Variants in ZNF200 observed in about 807,000 individuals in gnomAD.
The protein encoded by ZNF200 is zinc finger protein 200.
Under a neutral mutation model 33.6 loss-of-function variants are expected in ZNF200, and 35 were observed. The observed-to-expected ratio is 1.04, with a 90% CI of 0.80 to 1.38. The LOEUF (loss-of-function observed/expected upper bound fraction) is 1.38. Ranked by LOEUF, ZNF200 falls within the 40% of genes most tolerant of loss-of-function variation. ZNF200 has a pLI of 0.00. For synonymous variants in ZNF200, 209 were observed against 167.7 expected, an observed-to-expected ratio of 1.25 and a Z score of -1.90; for missense variants, 592 against 470.6, an observed-to-expected ratio of 1.26 and a Z score of -2.39.
chr16:3,232,597 A>G (rs753769912), intron 3 of ZNF200, 50 bp from the exon 4 acceptor site: 1 of 1,602,572 alleles, frequency 6.2e-7, no homozygotes, highest in South Asian at 1.1e-5. Context: ...GTTCACTGAC[A>G]GCCCTACTGG....
chr16:3,223,771 T>C lies in ZNF200; in HGVS notation c.*121A>G. ...TTAGCTAAGATGGGCATTTATCCAATTTTGGCAATAATGAGATTTTTACAC... is the reference window on the plus strand; with the variant it reads ...TTAGCTAAGATGGGCATTTATCCAACTTTGGCAATAATGAGATTTTTACAC... On this transcript the variant is annotated 3_prime_UTR_variant, in exon 5 of 5. Coordinates refer to ENST00000414144, the MANE Select transcript of ZNF200 (RefSeq NM_198088.3). The C allele has an allele frequency of 4.9e-6, 7 of 1,418,940 alleles. No individual in the cohort carries two copies. Among genetic ancestry groups the C allele is most frequent in the Non-Finnish European group, 6.6e-6 (7 of 1,068,566 alleles). The allele number at this position is 1,418,940 out of a possible 1,614,324, so 87.9% of individuals were successfully genotyped here. A position where few individuals can be genotyped will look rare whatever the true frequency, so the allele number is the denominator to read the frequency against.
chr16:3,230,441 T>C lies in ZNF200; in HGVS notation c.466+1980A>G, dbSNP rs142894772. ...TACTCCTTGGAATCTGAGTCTTTGT[T>C]TGTTGCCTAGTATTTAGTCAATTTT... On this transcript the variant is annotated intron_variant, in intron 4 of 4. Coordinates refer to ENST00000414144, the MANE Select transcript of ZNF200 (RefSeq NM_198088.3). Among the ~76,000 whole-genome samples the C allele has an allele frequency of 1.4e-3, 215 of 152,346 alleles. 1 individual carries two copies. The highest frequency in any genetic ancestry group is 2.7e-3 in the Non-Finnish European group (185 of 68,036).
chr16:3,234,695 C>T (rs1309282491), intron 1 of ZNF200: 1 of 152,230 alleles, frequency 6.6e-6, no homozygotes, highest in East Asian at 1.9e-4. Flanking sequence ...GTGACTCTCC[C>T]GGGGAGCAGA....
chr16:3,229,071 A>G (rs1057267451), intron 4 of ZNF200, among the ~76,000 whole-genome samples: 1 of 152,112 alleles, frequency 6.6e-6, no homozygotes, highest in Non-Finnish European at 1.5e-5. Context: ...TTTATGTAGC[A>G]TTTACTTTGT....
At position 3,232,961 on chromosome 16, in the gene ZNF200, G is replaced by T. The variant is rs374003458; in HGVS notation, c.251-40C>A. 2.5e-6 allele frequency: 4 copies of T among 1,571,500 alleles called. No homozygotes were observed. The African/African-American group carries it at 5.4e-5, about 21-fold the overall frequency. On this transcript the variant is annotated intron_variant, in intron 2 of 4. Coordinates refer to ENST00000414144, the MANE Select transcript of ZNF200 (RefSeq NM_198088.3). Reference sequence around the variant, plus strand: ...AGGTTTAGTTAGTGAAAAACTCAGTGACTCTAACACAGAGACTCCCCATAC... The same window carrying T: ...AGGTTTAGTTAGTGAAAAACTCAGTTACTCTAACACAGAGACTCCCCATAC...
chr16:3,230,510 A>G (rs1250809056), intron 4 of ZNF200, among the ~76,000 whole-genome samples: 1 of 152,208 alleles, frequency 6.6e-6, no homozygotes, highest in Non-Finnish European at 1.5e-5. Context: ...AGCACACAGT[A>G]GCTATAATAA....
At position 3,233,550 on chromosome 16, in the gene ZNF200, G is replaced by T; in HGVS notation, c.206C>A (p.Thr69Asn). The T allele has an allele frequency of 6.3e-7, 1 of 1,590,204 alleles. No individual in the cohort carries two copies. The highest frequency in any genetic ancestry group is 1.1e-5 in the South Asian group (1 of 88,148). Residue 69 changes from threonine to asparagine, a missense_variant, in exon 2 of 5, where the codon ACC becomes AAC. Physicochemically the swap from Thr to Asn is moderately conservative, Grantham distance 65 (BLOSUM62 0). Coordinates refer to ENST00000414144, the MANE Select transcript of ZNF200 (RefSeq NM_198088.3). Reference sequence around the variant, plus strand: ...GCTCACATCTTTCATAATAACCAAGGTCTCCTTGACTTTCTGACTGGGCTG... The same window carrying T: ...GCTCACATCTTTCATAATAACCAAGTTCTCCTTGACTTTCTGACTGGGCTG... ...LVQPSQKVKE[T>N]LVIMKDVSSS...
intron 4 of ZNF200, chr16:3,226,105 T>G (rs57386698): frequency 7.1e-6 from 1 of 140,828 alleles, no homozygotes; most frequent in East Asian, 2.1e-4. Flanking sequence ...CAGGTTGGAG[T>G]GCAATGGCAC....
At position 3,233,630 on chromosome 16, in the gene ZNF200, G is replaced by A. The variant is rs371767092; in HGVS notation, c.126C>T (p.Ile42=). The change falls in exon 2 of 5, where the codon ATC becomes ATT. Residue 42 remains isoleucine, a synonymous_variant. Transcript: ENST00000414144. ...LRDATNGPKT[I]HQLVLEHFLT... ...GGAAGTGCTCCAGCACTAGCTGGTG[G>A]ATGGTCTTGGGCCCGTTAGTGGCAT... 2.5e-6 allele frequency: 4 copies of A among 1,613,950 alleles called. No homozygotes were observed. The highest frequency in any genetic ancestry group is 3.4e-6 in the Non-Finnish European group (4 of 1,179,976).
chr16:3,223,662 G>C lies in ZNF200; in HGVS notation c.*230C>G. 1 of 513,232 alleles carries C rather than the reference G, an allele frequency of 1.9e-6. No individual in the cohort carries two copies. The highest frequency in any genetic ancestry group is 2.0e-5 in the African/African-American group (1 of 51,030). 31.8% of individuals were successfully genotyped at this position (513,232 alleles called of 1,614,324 possible). ...TTATCATATAACTTCAAAAAGGAAA[G>C]CTCCTTAGTCCAAAAAGCCTAGATG... On this transcript the variant is annotated 3_prime_UTR_variant, in exon 5 of 5. Transcript: ENST00000414144.
intron 4 of ZNF200, 78 bp from the exon 5 acceptor site, chr16:3,224,691 T>A: frequency 6.7e-7 from 1 of 1,499,620 alleles, no homozygotes; most frequent in South Asian, 1.4e-5. Flanking sequence ...AGGTTTCTTA[T>A]GCCACAGCCA....
intron 4 of ZNF200, chr16:3,226,197 C>T (rs144818114): frequency 4.9e-4 from 74 of 151,892 alleles, no homozygotes; most frequent in African/African-American, 1.7e-3. Context: ...GGACTACAGA[C>T]GTCCACCACC....
chr16:3,223,658 G>A lies in ZNF200; in HGVS notation c.*234C>T, dbSNP rs1162429623. On this transcript the variant is annotated 3_prime_UTR_variant, in exon 5 of 5. Transcript: ENST00000414144. ...TACATTATCATATAACTTCAAAAAG[G>A]AAAGCTCCTTAGTCCAAAAAGCCTA... 19 of 500,262 alleles carry A rather than the reference G, an allele frequency of 3.8e-5. No individual in the cohort carries two copies. Among genetic ancestry groups the A allele is most frequent in the Middle Eastern group, 1.1e-3 (2 of 1,814 alleles). The allele number at this position is 500,262 out of a possible 1,614,324, so 31.0% of individuals were successfully genotyped here.
Position 3,223,143 on chromosome 16 carries a change from A to C in ZNF200, c.*749T>G, listed in dbSNP as rs2141608940. 1 of 152,398 alleles carries C rather than the reference A, an allele frequency of 6.6e-6. No individual in the cohort carries two copies. The highest frequency in any genetic ancestry group is 1.9e-4 in the East Asian group (1 of 5,186). The allele number at this position is 152,398 out of a possible 1,614,324, so 9.4% of individuals were successfully genotyped here. A position where few individuals can be genotyped will look rare whatever the true frequency, so the allele number is the denominator to read the frequency against. ...TGGATGGCCCTGCCTGAGTAATCCA[A>C]ACTTCTTTTAGCAAGGGAGAAGCAT... On this transcript the variant is annotated 3_prime_UTR_variant, in exon 5 of 5. Transcript: ENST00000414144.
Position 3,224,118 on chromosome 16 carries a change from G to C in ZNF200, c.962C>G (p.Ser321Cys). ...GATTCCTTCATGACGACTCCGATGA[G>C]AATTCTGACGGAAGTTTTTTCCACA... ...SQCGKNFRQN[S>C]HRSRHEGIHI... Residue 321 changes from serine to cysteine, a missense_variant, in exon 5 of 5, where the codon TCT becomes TGT. Physicochemically the swap from Ser to Cys is moderately radical, Grantham distance 112 (BLOSUM62 -1). Transcript: ENST00000414144. 3 of 1,614,096 alleles carry C rather than the reference G, an allele frequency of 1.9e-6. No homozygotes were observed. The highest frequency in any genetic ancestry group is 2.5e-6 in the Non-Finnish European group (3 of 1,180,000).
intron 4 of ZNF200, chr16:3,225,521 G>A (rs2141617890): frequency 6.6e-6 from 1 of 152,306 alleles, no homozygotes; most frequent in South Asian, 2.1e-4. Flanking sequence ...GAAGTCAGTA[G>A]TGTTTCTCTT....
At chr16:3,232,379 C>A in intron 4 of ZNF200, 42 bp downstream of exon 4, 2 of 1,599,772 alleles carry the variant, frequency 1.3e-6, no homozygotes, top group South Asian at 2.2e-5. Flanking sequence ...ATGCTTTTCC[C>A]AAAGCAAACA....
Position 3,223,939 on chromosome 16 carries a change from G to C in ZNF200, c.1141C>G (p.Arg381Gly). The C allele has an allele frequency of 6.2e-7, 1 of 1,614,048 alleles. No homozygotes were observed. The highest frequency in any genetic ancestry group is 1.1e-5 in the South Asian group (1 of 91,074). ...RRFGRLSNCT[R>G]HEKTHSACKT... The stretch of plus-strand genomic sequence containing the variant: ...CAGGCTGAGTGGGTTTTCTCATGCC[G>C]GGTACAGTTTGACAGCCGACCAAAT... The change falls in exon 5 of 5, where the codon CGG becomes GGG. Residue 381 changes from arginine to glycine, a missense_variant. By Grantham distance (125) the Arg-to-Gly change is moderately radical (BLOSUM62 -2). Transcript: ENST00000414144.
chr16:3,233,432 A>G (rs1958698560), intron 2 of ZNF200, 74 bp downstream of exon 2: 1 of 1,475,750 alleles, frequency 6.8e-7, no homozygotes. Context: ...TGAATTTATA[A>G]CTAACACAGA....
Sources: gnomAD v4.1 joint callset for allele counts (sites outside exome capture counted in the v4.1 genomes callset) on GRCh38, gnomAD v4.1.1 for gene constraint, MANE v1.5 for transcripts, NCBI Gene and HGNC (gene_info 2026-07-23, HGNC 2026-07-21) for gene names.